Variants in EPB41L5 observed in about 807,000 individuals in gnomAD.
EPB41L5 encodes erythrocyte membrane protein band 4.1 like 5.
EPB41L5 carries 55 observed loss-of-function variants against 106.6 expected under a neutral mutation model. The ratio of observed to expected loss-of-function variants is 0.52; its 90% CI spans 0.42 to 0.65. The LOEUF (loss-of-function observed/expected upper bound fraction) is 0.65, where lower values mean the gene tolerates loss of function less well. Ranked by LOEUF, EPB41L5 falls within the 30% of genes least tolerant of loss-of-function variation. The pLI is 0.00. For synonymous variants in EPB41L5, 297 were observed against 306.7 expected (o/e 0.97, Z 0.33); for missense variants, 871 against 882.1 (o/e 0.99, Z 0.16).
At chr2:120,069,125 T>G (rs1681670471) in intron 3 of EPB41L5, among the ~76,000 whole-genome samples, 1 of 50,386 alleles carries the variant, frequency 2.0e-5, no homozygotes, top group Non-Finnish European at 3.2e-5. Flanking sequence ...TGAAACTCTG[T>G]CTCAAAAAAA....
At chr2:120,061,471 C>T (rs902998829) in intron 3 of EPB41L5, among the ~76,000 whole-genome samples, 1 of 151,952 alleles carries the variant, frequency 6.6e-6, no homozygotes, top group African/African-American at 2.4e-5. Flanking sequence ...GATCCGCCCG[C>T]CTCGGCCTCC....
At chr2:120,071,747 C>T (rs1681883863) in intron 3 of EPB41L5, among the ~76,000 whole-genome samples, 1 of 151,986 alleles carries the variant, frequency 6.6e-6, no homozygotes, top group Non-Finnish European at 1.5e-5. Context: ...TGAACCTGGA[C>T]CCTTCCTTAC....
intron 1 of EPB41L5, among the ~76,000 whole-genome samples, chr2:120,014,110 T>C (rs556019918): frequency 2.0e-5 from 3 of 152,378 alleles, no homozygotes; most frequent in Non-Finnish European, 2.9e-5. Context: ...GGACAAAATA[T>C]AGTGTTACCT....
At chr2:120,146,168 T>G in intron 19 of EPB41L5, 57 bp from the exon 20 acceptor site, 2 of 1,052,462 alleles carry the variant, frequency 1.9e-6, no homozygotes, top group Non-Finnish European at 2.9e-6. Flanking sequence ...TGTAAATTTC[T>G]TGTTACTTTA....
chr2:120,074,090 T>C lies in EPB41L5; in HGVS notation c.329-10T>C, dbSNP rs747516375. 1 of 1,564,182 alleles carries C rather than the reference T, an allele frequency of 6.4e-7. No homozygotes were observed. Among genetic ancestry groups the C allele is most frequent in the Admixed American group, 1.8e-5 (1 of 54,876 alleles). On this transcript the variant is annotated splice_polypyrimidine_tract_variant and intron_variant, in intron 4 of 24. Transcript: ENST00000263713. ...ATTTTATTAAAACCTTTTTTTTTTTTAAATGACAGTTGGTTCACCCTATTG... is the reference window on the plus strand; with the variant it reads ...ATTTTATTAAAACCTTTTTTTTTTTCAAATGACAGTTGGTTCACCCTATTG...
intron 20 of EPB41L5, among the ~76,000 whole-genome samples, chr2:120,160,213 TA>T (rs1041685151): frequency 1.3e-5 from 2 of 151,706 alleles, no homozygotes; most frequent in Admixed American, 6.6e-5. Context: ...CCTCTGAAGT[TA>T]AAAAAAAATT....
intron 9 of EPB41L5, among the ~76,000 whole-genome samples, chr2:120,078,252 A>G (rs560441991): frequency 2.0e-4 from 30 of 152,296 alleles, no homozygotes; most frequent in African/African-American, 6.5e-4. Flanking sequence ...GTAACTACCC[A>G]CTTTCAATGA....
At chr2:120,110,839 T>G (rs895328382) in intron 16 of EPB41L5, among the ~76,000 whole-genome samples, 1 of 152,108 alleles carries the variant, frequency 6.6e-6, no homozygotes, top group Non-Finnish European at 1.5e-5. Flanking sequence ...CTTCACCATG[T>G]TGGCCAGGCT....
Position 120,167,887 on chromosome 2 carries a change from C to A in EPB41L5, c.2015C>A (p.Ala672Asp), listed in dbSNP as rs763742761. ...TPRWIVPQSG[A>D]MSNGLAGCEM... ...GTGTATCTCCCACAGCAGAGTGGTG[C>A]CATGTCTAATGGACTTGCGGGATGT... The change falls in exon 24 of 25, where the codon GCC (alanine) becomes GAC (aspartate). Residue 672 changes from alanine (A) to aspartate (D), a missense_variant. Transcript: ENST00000263713. 1.2e-5 allele frequency: 19 copies of A among 1,613,936 alleles called. No individual in the cohort carries two copies. The highest frequency in any genetic ancestry group is 3.3e-4 in the Middle Eastern group (2 of 6,084).
At chr2:120,122,846 T>C (rs1685287123) in intron 16 of EPB41L5, among the ~76,000 whole-genome samples, 2 of 152,244 alleles carry the variant, frequency 1.3e-5, no homozygotes, top group African/African-American at 4.8e-5. Context: ...TCCTCTTTTA[T>C]TTCTGAGCAG....
intron 20 of EPB41L5, among the ~76,000 whole-genome samples, chr2:120,148,544 A>C (rs1336164906): frequency 6.6e-6 from 1 of 152,098 alleles, no homozygotes; most frequent in Non-Finnish European, 1.5e-5. Flanking sequence ...AGCACCTGGC[A>C]ACCACTAATC....
chr2:120,146,135 T>A (rs559000801), intron 19 of EPB41L5, 90 bp from the exon 20 acceptor site: 2 of 790,618 alleles, frequency 2.5e-6, no homozygotes, highest in East Asian at 5.6e-5. Flanking sequence ...CAAACTGATA[T>A]TTCTGTTGTT....
intron 20 of EPB41L5, among the ~76,000 whole-genome samples, chr2:120,156,727 CAAG>C (rs1022889221): frequency 1.4e-4 from 22 of 152,176 alleles, no homozygotes; most frequent in Admixed American, 8.5e-4. Flanking sequence ...TTCAGTTCAA[CAAG>C]AAGAACTAAC....
intron 3 of EPB41L5, among the ~76,000 whole-genome samples, chr2:120,049,033 G>C (rs1680026774): frequency 6.6e-6 from 1 of 152,160 alleles, no homozygotes. Context: ...GAGACAGTTT[G>C]TTATAATTTC....
chr2:120,095,460 G>T (rs900681994), intron 14 of EPB41L5, among the ~76,000 whole-genome samples: 2 of 149,300 alleles, frequency 1.3e-5, no homozygotes, highest in African/African-American at 4.9e-5. Flanking sequence ...ACACTTGATG[G>T]TGTCCTACAG....
rs1183251713 is a variant in EPB41L5, at chr2:120,176,808, A to G, written c.*1901A>G. 1 of 152,180 alleles carries G rather than the reference A, an allele frequency of 6.6e-6. No individual in the cohort carries two copies. Among genetic ancestry groups the G allele is most frequent in the Non-Finnish European group, 1.5e-5 (1 of 68,032 alleles). The allele number at this position is 152,180 out of a possible 1,614,324, so 9.4% of individuals were successfully genotyped here. On this transcript the variant is annotated 3_prime_UTR_variant, in exon 25 of 25. Transcript: ENST00000263713. Reference sequence around the variant, plus strand: ...GAGCAGCTGAGGCATTATGCCTTGGAAGACCTAAATCTCCCATCCAGTTCA... The same window carrying G: ...GAGCAGCTGAGGCATTATGCCTTGGGAGACCTAAATCTCCCATCCAGTTCA...
intron 24 of EPB41L5, among the ~76,000 whole-genome samples, chr2:120,172,188 T>A (rs1024342741): frequency 1.3e-5 from 2 of 152,006 alleles, no homozygotes; most frequent in African/African-American, 2.4e-5. Context: ...TATATATGAA[T>A]CATAGGAGAT....
At chr2:120,135,420 T>C (rs926574002) in intron 18 of EPB41L5, among the ~76,000 whole-genome samples, 11 of 152,070 alleles carry the variant, frequency 7.2e-5, no homozygotes, top group Non-Finnish European at 1.0e-4. Flanking sequence ...GAGAAAGATA[T>C]CAATATTCAA....
intron 3 of EPB41L5, among the ~76,000 whole-genome samples, chr2:120,070,575 G>A (rs1681792856): frequency 6.6e-6 from 1 of 152,188 alleles, no homozygotes; most frequent in Admixed American, 6.5e-5. Flanking sequence ...GAACATCAAT[G>A]CGAAAATCCT....
Sources: gnomAD v4.1 joint callset for allele counts (sites outside exome capture counted in the v4.1 genomes callset) on GRCh38, gnomAD v4.1.1 for gene constraint, MANE v1.5 for transcripts, NCBI Gene and HGNC (gene_info 2026-07-23, HGNC 2026-07-21) for gene names.